Variants in SPMIP11 observed in about 807,000 individuals in gnomAD.
SPMIP11 encodes the protein sperm microtubule inner protein 11.
the SPMIP11 span, among the ~76,000 whole-genome samples, chr12:48,730,442 C>T: frequency 1.3e-5 from 2 of 152,104 alleles, no homozygotes; most frequent in African/African-American, 4.8e-5. Flanking sequence ...TCCAGTTACT[C>T]TCGCAAAATA....
chr12:48,759,213 G>A, the SPMIP11 span: 1 of 702,938 alleles, frequency 1.4e-6, no homozygotes, highest in Non-Finnish European at 2.6e-6. Context: ...TTTCAGACCA[G>A]AAGGAACCAG....
the SPMIP11 span, among the ~76,000 whole-genome samples, chr12:48,761,205 A>G: frequency 6.1e-3 from 924 of 152,042 alleles, 7 homozygotes; most frequent in Admixed American, 0.01. Context: ...CCAGCACTTT[A>G]GGAAGACGAG....
At chr12:48,766,232 TTAAA>T in the SPMIP11 span, 1 of 152,704 alleles carries the variant, frequency 6.5e-6, no homozygotes, top group Non-Finnish European at 1.5e-5. Context: ...TTTAAATATA[TTAAA>T]TATTTCACTG....
At chr12:48,759,424 C>T in the SPMIP11 span, 3 of 662,674 alleles carry the variant, frequency 4.5e-6, no homozygotes, top group East Asian at 2.8e-5. Flanking sequence ...CTTGGTGGCT[C>T]ATGTCTGTAA....
the SPMIP11 span, among the ~76,000 whole-genome samples, chr12:48,754,299 G>T: frequency 1.6e-4 from 24 of 151,974 alleles, no homozygotes; most frequent in Non-Finnish European, 3.5e-4. Flanking sequence ...CAACTACTCA[G>T]GAGGCTGAGG....
At chr12:48,768,354 C>G in the SPMIP11 span, 2 of 584,690 alleles carry the variant, frequency 3.4e-6, no homozygotes, top group Non-Finnish European at 6.0e-6. Context: ...GGAGAGGGAA[C>G]AGCCCTACCC....
the SPMIP11 span, among the ~76,000 whole-genome samples, chr12:48,763,841 G>C: frequency 6.6e-6 from 1 of 151,922 alleles, no homozygotes; most frequent in African/African-American, 2.4e-5. Context: ...ACGATGCCCT[G>C]CTAATTTTTG....
chr12:48,749,963 T>A, the SPMIP11 span, among the ~76,000 whole-genome samples: 3 of 150,930 alleles, frequency 2.0e-5, no homozygotes, highest in Admixed American at 6.6e-5. Flanking sequence ...AGTGCTGGGA[T>A]TACAGGCGTG....
At chr12:48,733,961 AG>A in the SPMIP11 span, among the ~76,000 whole-genome samples, 2 of 151,512 alleles carry the variant, frequency 1.3e-5, no homozygotes, top group African/African-American at 4.9e-5. Context: ...TAGTAGAGAC[AG>A]GGTTTCACCA....
chr12:48,739,331 T>G, the SPMIP11 span, among the ~76,000 whole-genome samples: 1 of 152,218 alleles, frequency 6.6e-6, no homozygotes, highest in Non-Finnish European at 1.5e-5. Context: ...CTATTATTCC[T>G]TCTCTGGGTA....
chr12:48,749,382 A>G, the SPMIP11 span, among the ~76,000 whole-genome samples: 6 of 151,834 alleles, frequency 4.0e-5, no homozygotes, highest in Admixed American at 1.3e-4. Flanking sequence ...TAATCCCAGC[A>G]CTTTGGGTGG....
At chr12:48,746,303 A>G in the SPMIP11 span, among the ~76,000 whole-genome samples, 1 of 152,060 alleles carries the variant, frequency 6.6e-6, no homozygotes, top group East Asian at 1.9e-4. Context: ...CTCTTTAAAA[A>G]TTAGATTTGG....
At chr12:48,746,141 G>C in the SPMIP11 span, among the ~76,000 whole-genome samples, 4 of 152,034 alleles carry the variant, frequency 2.6e-5, no homozygotes, top group African/African-American at 9.7e-5. Context: ...AAAATAAAGG[G>C]GCAATGCAAT....
chr12:48,764,989 T>C, the SPMIP11 span: 1 of 700,210 alleles, frequency 1.4e-6, no homozygotes, highest in East Asian at 2.7e-5. Flanking sequence ...AAAAGCGCGA[T>C]GACCAGGTTA....
At chr12:48,749,162 T>G in the SPMIP11 span, among the ~76,000 whole-genome samples, 1 of 151,280 alleles carries the variant, frequency 6.6e-6, no homozygotes, top group Non-Finnish European at 1.5e-5. Context: ...CTTGGGAGGC[T>G]GAGGCAGGAG....
the SPMIP11 span, chr12:48,766,694 A>G: frequency 1.3e-5 from 2 of 152,652 alleles, no homozygotes; most frequent in South Asian, 4.1e-4. Context: ...CCAGGCCTCC[A>G]CAGGGAGCTG....
the SPMIP11 span, among the ~76,000 whole-genome samples, chr12:48,752,669 C>CTTTTTTTTT: frequency 5.0e-5 from 6 of 119,290 alleles, no homozygotes; most frequent in Admixed American, 8.8e-5. Flanking sequence ...CCTATTTATT[C>CTTTTTTTTT]TTTTTTTTTT....
the SPMIP11 span, among the ~76,000 whole-genome samples, chr12:48,757,414 G>A: frequency 6.6e-6 from 1 of 152,058 alleles, no homozygotes; most frequent in African/African-American, 2.4e-5. Flanking sequence ...TTGGGAGGCG[G>A]AGGCAGGTGG....
the SPMIP11 span, chr12:48,759,269 C>T: frequency 4.3e-6 from 3 of 702,832 alleles, no homozygotes. Flanking sequence ...GGGAATTATT[C>T]CGTGCACCAG....
Sources: allele counts gnomAD v4.1 joint callset (sites outside exome capture counted in the v4.1 genomes callset), GRCh38; gene constraint gnomAD v4.1.1; transcripts MANE v1.5; gene names NCBI Gene and HGNC (gene_info 2026-07-23, HGNC 2026-07-21).